Variants in LAMP1 observed in about 807,000 individuals in gnomAD.
LAMP1 encodes the protein lysosome associated membrane protein 1.
LAMP1 carries 7 observed loss-of-function variants against 37.5 expected under a neutral mutation model. The observed-to-expected ratio is 0.19, with a 90% CI of 0.11 to 0.35. LAMP1 has a LOEUF of 0.35. Among genes scored for constraint, LAMP1 ranks in the 10% least tolerant of loss-of-function variants. The pLI, the probability that LAMP1 is intolerant of heterozygous loss-of-function variation, is 1.00. For missense variants in LAMP1, 537 were observed against 552.8 expected (o/e 0.97, Z 0.29); for synonymous variants, 236 against 229.1 (o/e 1.03, Z -0.27).
chr13:113,297,579 G>A lies in LAMP1; in HGVS notation c.61+84G>A. ...GGTCTTGAGGGCGGGGGACTGCCGG[G>A]TCGTTGTCCCGCGGGTCGCCCCGCA... On this transcript the variant is annotated intron_variant, in intron 1 of 8. Coordinates refer to ENST00000332556, the MANE Select transcript of LAMP1 (RefSeq NM_005561.4). The surrounding 1 kb of genome is among the most constrained non-coding windows in gnomAD (Gnocchi z 4.4). 1 of 1,174,630 alleles carries A rather than the reference G, an allele frequency of 8.5e-7. No individual in the cohort carries two copies. Among genetic ancestry groups the A allele is most frequent in the Non-Finnish European group, 1.1e-6 (1 of 945,144 alleles). 72.8% of individuals were successfully genotyped at this position (1,174,630 alleles called of 1,614,324 possible). A position where few individuals can be genotyped will look rare whatever the true frequency, so the allele number is the denominator to read the frequency against.
chr13:113,306,644 G>A (rs1165125084), intron 2 of LAMP1, 38 bp downstream of exon 2: 1 of 1,586,440 alleles, frequency 6.3e-7, no homozygotes, highest in Non-Finnish European at 8.6e-7. Context: ...TCCCTTGTGT[G>A]TGTGGAAAGA....
In LAMP1 at chr13:113,297,790, TC is replaced by T. The variant is rs2042550764; in HGVS notation, c.61+297del. 6.6e-6 allele frequency among the ~76,000 whole-genome samples: 1 copy of T among 152,136 alleles called. No homozygotes were observed. The highest frequency in any genetic ancestry group is 1.5e-5 in the Non-Finnish European group (1 of 68,006). ...GTGGTGGTGAGTGCGAAAGGGAACT[TC>T]CGATGGCTTGCTCGGCGGTCTGGTG... On this transcript the variant is annotated intron_variant, in intron 1 of 8. Coordinates refer to ENST00000332556, the MANE Select transcript of LAMP1 (RefSeq NM_005561.4). The surrounding 1 kb of genome is among the most constrained non-coding windows in gnomAD (Gnocchi z 4.4).
Position 113,320,810 on chromosome 13 carries a change from A to G in LAMP1, c.876+340A>G, listed in dbSNP as rs1405960969. On this transcript the variant is annotated intron_variant, in intron 6 of 8. Coordinates refer to ENST00000332556, the MANE Select transcript of LAMP1 (RefSeq NM_005561.4). The surrounding 1 kb of genome is among the most constrained non-coding windows in gnomAD (Gnocchi z 4.4). ...GGAGGACTCCTGTGCAGTTAGCAACATAAGACATGAAGCATATAATTGTCA... is the reference window on the plus strand; with the variant it reads ...GGAGGACTCCTGTGCAGTTAGCAACGTAAGACATGAAGCATATAATTGTCA... 1 of 317,460 alleles carries G rather than the reference A, an allele frequency of 3.1e-6. No homozygotes were observed. The highest frequency in any genetic ancestry group is 6.0e-5 in the East Asian group (1 of 16,790). The allele number at this position is 317,460 out of a possible 1,614,324, so 19.7% of individuals were successfully genotyped here.
chr13:113,317,760 C>T (rs1240725081), intron 4 of LAMP1, among the ~76,000 whole-genome samples: 2 of 150,164 alleles, frequency 1.3e-5, no homozygotes, highest in African/African-American at 2.5e-5. Context: ...AATAACTGCT[C>T]ACTGCAGCCT....
chr13:113,308,324 CTTTTTTTTTTT>C (rs71101565), intron 2 of LAMP1, among the ~76,000 whole-genome samples: 21 of 60,436 alleles, frequency 3.5e-4, no homozygotes, highest in South Asian at 7.7e-4. Context: ...CCTCCAAGCA[CTTTTTTTTTTT>C]TTTTTTTTTT....
At chr13:113,312,944 C>A (rs1368521812) in intron 4 of LAMP1, among the ~76,000 whole-genome samples, 1 of 152,146 alleles carries the variant, frequency 6.6e-6, no homozygotes, top group Non-Finnish European at 1.5e-5. Context: ...ATCTGGGCTC[C>A]ACACCTAGCT....
intron 1 of LAMP1, 111 bp from the exon 2 acceptor site, chr13:113,306,374 A>C: frequency 6.7e-6 from 8 of 1,191,092 alleles, no homozygotes; most frequent in Non-Finnish European, 7.0e-6. Context: ...AAAGAGAAAC[A>C]GTGGAATCTT....
In LAMP1 at chr13:113,321,120, CG is replaced by C. The variant is rs1249588142; in HGVS notation, c.877-283del. 1 of 392,828 alleles carries C rather than the reference CG, an allele frequency of 2.5e-6. No homozygotes were observed. The highest frequency in any genetic ancestry group is 2.1e-5 in the African/African-American group (1 of 48,380). 24.3% of individuals were successfully genotyped at this position (392,828 alleles called of 1,614,324 possible). A position where few individuals can be genotyped will look rare whatever the true frequency, so the allele number is the denominator to read the frequency against. On this transcript the variant is annotated intron_variant, in intron 6 of 8. Transcript: ENST00000332556. The surrounding 1 kb of genome is among the most constrained non-coding windows in gnomAD (Gnocchi z 5.6). ...CACTTGAGCCCAGGAGTTAAGGTTG[CG>C]ATGAGCCGTGATCACTCCACTGCAC... is the stretch of plus-strand genomic sequence containing the variant.
In LAMP1 at chr13:113,322,595, G is replaced by A. The variant is rs922821512; in HGVS notation, c.*174G>A. ...ACAACAGAGTAACTATCGAAATGAC[G>A]GTGTTAATTTTGCTAACTGGGTTAA... On this transcript the variant is annotated 3_prime_UTR_variant, in exon 9 of 9. Coordinates refer to ENST00000332556, the MANE Select transcript of LAMP1 (RefSeq NM_005561.4). 10 of 511,796 alleles carry A rather than the reference G, an allele frequency of 2.0e-5. No homozygotes were observed. Among genetic ancestry groups the A allele is most frequent in the Admixed American group, 8.0e-5 (2 of 24,888 alleles). The allele number at this position is 511,796 out of a possible 1,614,324, so 31.7% of individuals were successfully genotyped here. A position where few individuals can be genotyped will look rare whatever the true frequency, so the allele number is the denominator to read the frequency against.
At position 113,320,436 on chromosome 13, in the gene LAMP1, A is replaced by G. The variant is rs761588000; in HGVS notation, c.842A>G (p.Glu281Gly). ...CTGGTGACTCTGGAGCTGCACAGCG[A>G]GGGCACCACCGTCCTGCTCTTCCAG... ...AHLVTLELHS[E>G]GTTVLLFQFG... The change falls in exon 6 of 9, where the codon GAG (glutamate) becomes GGG (glycine). Residue 281 changes from glutamate (E) to glycine (G), a missense_variant. Physicochemically the swap from Glu to Gly is moderately conservative, Grantham distance 98. Transcript: ENST00000332556. The surrounding 1 kb of genome is among the most constrained non-coding windows in gnomAD (Gnocchi z 4.4). 15 of 1,610,932 alleles carry G rather than the reference A, an allele frequency of 9.3e-6. No homozygotes were observed. Among genetic ancestry groups the G allele is most frequent in the Non-Finnish European group, 1.3e-5 (15 of 1,179,970 alleles).
At chr13:113,316,292 G>A (rs1459175927) in intron 4 of LAMP1, among the ~76,000 whole-genome samples, 2 of 152,154 alleles carry the variant, frequency 1.3e-5, no homozygotes, top group African/African-American at 4.8e-5. Flanking sequence ...GAGGAGTGGG[G>A]TGTCTTCGTC....
At chr13:113,300,260 C>A (rs1214228031) in intron 1 of LAMP1, among the ~76,000 whole-genome samples, 1 of 152,142 alleles carries the variant, frequency 6.6e-6, no homozygotes, top group Non-Finnish European at 1.5e-5. Context: ...GTGGGCGGAT[C>A]AGCTGAAGTC....
intron 4 of LAMP1, among the ~76,000 whole-genome samples, chr13:113,318,988 C>T (rs1156695786): frequency 6.6e-6 from 1 of 152,226 alleles, no homozygotes; most frequent in Non-Finnish European, 1.5e-5. Flanking sequence ...GTGTTTCCAG[C>T]ACGATCCTGG....
At chr13:113,304,191 T>G (rs976766009) in intron 1 of LAMP1, among the ~76,000 whole-genome samples, 4 of 152,238 alleles carry the variant, frequency 2.6e-5, no homozygotes, top group Non-Finnish European at 4.4e-5. Flanking sequence ...GAAAAGTGTT[T>G]GAGGAAACTT....
intron 4 of LAMP1, among the ~76,000 whole-genome samples, chr13:113,315,318 G>A (rs530626935): frequency 1.3e-5 from 2 of 151,962 alleles, no homozygotes; most frequent in East Asian, 1.9e-4. Context: ...CCTGGGGCGC[G>A]GCGTCCTGGA....
At chr13:113,304,208 G>C (rs2042587340) in intron 1 of LAMP1, among the ~76,000 whole-genome samples, 1 of 152,250 alleles carries the variant, frequency 6.6e-6, no homozygotes, top group African/African-American at 2.4e-5. Flanking sequence ...ACTTATAAAA[G>C]GGCAGCTTAA....
intron 4 of LAMP1, among the ~76,000 whole-genome samples, chr13:113,313,685 A>G (rs1361951924): frequency 1.3e-3 from 107 of 80,382 alleles, no homozygotes; most frequent in African/African-American, 1.5e-3. Context: ...TGCCTGGGGC[A>G]TGGCCTCCTG....
At chr13:113,307,957 C>CAAAA (rs56212251) in intron 2 of LAMP1, among the ~76,000 whole-genome samples, 1 of 59,898 alleles carries the variant, frequency 1.7e-5, no homozygotes, top group African/African-American at 5.9e-5. Flanking sequence ...AGACCATCTC[C>CAAAA]AAAAAAAAAA....
chr13:113,309,844 C>G lies in LAMP1; in HGVS notation c.385C>G (p.Pro129Ala). 1 of 1,612,860 alleles carries G rather than the reference C, an allele frequency of 6.2e-7. No individual in the cohort carries two copies. Residue 129 changes from proline (P) to alanine (A), a missense_variant, in exon 3 of 9, where the codon CCC (proline) becomes GCC (alanine). Transcript: ENST00000332556. The part of the protein sequence containing the change: ...VYNLSDTHLF[P>A]NASSKEIKTV... ...TAACTTGTCAGACACACACCTTTTC[C>G]CCAATGCGAGCTCCAAAGGTAAGAA...
Sources: allele counts gnomAD v4.1 joint callset (sites outside exome capture counted in the v4.1 genomes callset), GRCh38; gene constraint gnomAD v4.1.1; non-coding constraint Gnocchi (gnomAD v3.1); transcripts MANE v1.5; gene names NCBI Gene and HGNC (gene_info 2026-07-23, HGNC 2026-07-21).